The following TCF12 variants were observed in gnomAD, a reference collection of about 807,000 sequenced individuals.
The protein encoded by TCF12 is DNA-binding protein HTF4.
TCF12 carries 45 observed loss-of-function variants against 86.0 expected under a neutral mutation model. The ratio of observed to expected loss-of-function variants is 0.52; its 90% CI spans 0.41 to 0.67. The LOEUF (loss-of-function observed/expected upper bound fraction) is 0.67. Among genes scored for constraint, TCF12 ranks in the 30% least tolerant of loss-of-function variants. The pLI, the probability that TCF12 is intolerant of heterozygous loss-of-function variation, is 0.00. For synonymous variants in TCF12, 330 were observed against 299.6 expected (o/e 1.10, Z -1.05); for missense variants, 881 against 859.9 (o/e 1.02, Z -0.31).
chr15:57,087,889 A>G (rs554757749), intron 4 of TCF12, among the ~76,000 whole-genome samples: 16 of 152,244 alleles, frequency 1.1e-4, no homozygotes, highest in African/African-American at 3.4e-4. Context: ...TTCATAATGT[A>G]TGTCATCTCA....
At chr15:57,016,018 T>C (rs144533026) in intron 3 of TCF12, among the ~76,000 whole-genome samples, 6 of 152,194 alleles carry the variant, frequency 3.9e-5, no homozygotes, top group Non-Finnish European at 8.8e-5. Context: ...TTGCTGAGAT[T>C]TCTCCAAAAT....
chr15:57,077,531 A>G (rs945464575), intron 4 of TCF12, among the ~76,000 whole-genome samples: 1 of 151,610 alleles, frequency 6.6e-6, no homozygotes, highest in Non-Finnish European at 1.5e-5. Context: ...ATTTTTGATG[A>G]TGTTATAAGT....
intron 5 of TCF12, among the ~76,000 whole-genome samples, chr15:57,110,911 T>C (rs751906774): frequency 2.6e-5 from 4 of 152,214 alleles, no homozygotes; most frequent in Non-Finnish European, 4.4e-5. Flanking sequence ...AAATTTGATA[T>C]GGTAATAGGA....
At chr15:56,989,382 G>A (rs185502410) in intron 3 of TCF12, among the ~76,000 whole-genome samples, 1 of 152,246 alleles carries the variant, frequency 6.6e-6, no homozygotes, top group Admixed American at 6.5e-5. Context: ...AGGAAAAACT[G>A]TGTTCTCCTA....
intron 6 of TCF12, among the ~76,000 whole-genome samples, chr15:57,170,688 TAA>T (rs2055318774): frequency 2.9e-4 from 3 of 10,246 alleles, no homozygotes; most frequent in South Asian, 1.8e-3. Context: ...ATATTATATA[TAA>T]TATATATTAT....
Position 57,192,274 on chromosome 15 carries a change from C to T in TCF12, c.507C>T (p.Leu169=), listed in dbSNP as rs750408516. 2 of 1,614,154 alleles carry T rather than the reference C, an allele frequency of 1.2e-6. No individual in the cohort carries two copies. Among genetic ancestry groups the T allele is most frequent in the South Asian group, 2.2e-5 (2 of 91,080 alleles). The change falls in exon 7 of 21, where the codon CTC becomes CTT. Residue 169 remains leucine, a synonymous_variant. Coordinates refer to ENST00000333725, the MANE Select transcript of TCF12 (RefSeq NM_207037.2). The part of the protein sequence containing the change: ...FSATSSRRRP[L]HDSAALDPLQ... Reference sequence around the variant, plus strand: ...CTACAAGTTCCAGGAGGAGACCACTCCATGACTCTGCAGCGCTTGGTGAGT... The same window carrying T: ...CTACAAGTTCCAGGAGGAGACCACTTCATGACTCTGCAGCGCTTGGTGAGT...
intron 18 of TCF12, among the ~76,000 whole-genome samples, chr15:57,267,989 T>C (rs1216201518): frequency 6.6e-6 from 1 of 152,188 alleles, no homozygotes; most frequent in Non-Finnish European, 1.5e-5. Context: ...AAAGATACTA[T>C]ATCTACTGTT....
chr15:57,202,637 G>A (rs564878025), intron 8 of TCF12, among the ~76,000 whole-genome samples: 25 of 151,374 alleles, frequency 1.7e-4, no homozygotes, highest in African/African-American at 3.6e-4. Context: ...GGGTTTCACC[G>A]CTATAGCCAG....
chr15:57,234,412 C>A (rs766415419), intron 12 of TCF12, among the ~76,000 whole-genome samples: 1 of 152,096 alleles, frequency 6.6e-6, no homozygotes, highest in Non-Finnish European at 1.5e-5. Flanking sequence ...AGTGGAACCA[C>A]GAAAGATAAC....
chr15:57,270,526 A>G (rs1010893620), intron 18 of TCF12, among the ~76,000 whole-genome samples: 3 of 152,028 alleles, frequency 2.0e-5, no homozygotes, highest in African/African-American at 7.2e-5. Flanking sequence ...CTTGGAGAAC[A>G]GCTTTCTTAT....
chr15:57,224,940 C>T (rs1271277345), intron 8 of TCF12, among the ~76,000 whole-genome samples: 1 of 151,932 alleles, frequency 6.6e-6, no homozygotes, highest in East Asian at 1.9e-4. Flanking sequence ...CCATTAAAAA[C>T]TCTAGTAGCA....
intron 5 of TCF12, among the ~76,000 whole-genome samples, chr15:57,154,855 T>C (rs1031088105): frequency 2.6e-5 from 4 of 152,192 alleles, no homozygotes; most frequent in Non-Finnish European, 5.9e-5. Flanking sequence ...AAGATATATA[T>C]AGTCAATATA....
At chr15:57,258,165 C>T (rs2060434666) in intron 16 of TCF12, among the ~76,000 whole-genome samples, 1 of 152,078 alleles carries the variant, frequency 6.6e-6, no homozygotes, top group Non-Finnish European at 1.5e-5. Context: ...CCTGTAATCC[C>T]AGGTACTTGT....
chr15:56,945,859 C>T (rs183304582), intron 3 of TCF12, among the ~76,000 whole-genome samples: 1 of 152,248 alleles, frequency 6.6e-6, no homozygotes, highest in Admixed American at 6.5e-5. Context: ...GCATTTGTTA[C>T]CTCAAGAATG....
chr15:57,171,182 A>C (rs189916108), intron 6 of TCF12, among the ~76,000 whole-genome samples: 1 of 152,216 alleles, frequency 6.6e-6, no homozygotes, highest in Admixed American at 6.5e-5. Context: ...ACAAAATAAC[A>C]ATATTGCTAT....
chr15:57,097,892 A>ACCCCTGTAAT (rs1248176233), intron 5 of TCF12, among the ~76,000 whole-genome samples: 2 of 151,680 alleles, frequency 1.3e-5, no homozygotes, highest in Non-Finnish European at 2.9e-5. Flanking sequence ...ACAATGGCTC[A>ACCCCTGTAAT]CCCCTGTAAT....
At chr15:57,052,669 C>G (rs1265976983) in intron 3 of TCF12, among the ~76,000 whole-genome samples, 6 of 150,450 alleles carry the variant, frequency 4.0e-5, no homozygotes, top group African/African-American at 1.2e-4. Context: ...TAAAACAAAA[C>G]TATATCTGCT....
intron 5 of TCF12, among the ~76,000 whole-genome samples, chr15:57,125,490 C>T (rs1417441548): frequency 6.6e-6 from 1 of 152,128 alleles, no homozygotes; most frequent in Non-Finnish European, 1.5e-5. Flanking sequence ...AGTGATGAGA[C>T]TCATGAAATA....
At chr15:57,138,043 A>AAT (rs1555515462) in intron 5 of TCF12, among the ~76,000 whole-genome samples, 23 of 151,818 alleles carry the variant, frequency 1.5e-4, no homozygotes, top group South Asian at 6.2e-4. Flanking sequence ...GAAAAAAAAA[A>AAT]AAATAAAGTA....
Sources: allele counts gnomAD v4.1 joint callset (sites outside exome capture counted in the v4.1 genomes callset), GRCh38; gene constraint gnomAD v4.1.1; transcripts MANE v1.5; gene names NCBI Gene and HGNC (gene_info 2026-07-23, HGNC 2026-07-21).